The following CELF2 variants were observed in gnomAD, a reference collection of about 807,000 sequenced individuals.
CELF2 encodes the protein CUGBP Elav-like family member 2.
Under a neutral mutation model 62.6 loss-of-function variants are expected in CELF2, and 8 were observed. That is an observed-to-expected ratio of 0.13 (90% CI 0.07 to 0.23). CELF2 has a LOEUF of 0.23. Ranked by LOEUF, CELF2 falls within the 10% of genes least tolerant of loss-of-function variation. CELF2 has a pLI of 1.00. For missense variants in CELF2, 333 were observed against 671.0 expected, an observed-to-expected ratio of 0.50 and a Z score of 5.56; for synonymous variants, 258 against 250.0, an observed-to-expected ratio of 1.03 and a Z score of -0.30.
At chr10:10,924,909 G>A (rs1167477848) in intron 2 of CELF2, 1 of 152,090 alleles carries the variant, frequency 6.6e-6, no homozygotes, top group Non-Finnish European at 1.5e-5. Context: ...GTTATATGCC[G>A]TTTTGCGTGT....
the CELF2 span, among the ~76,000 whole-genome samples, chr10:10,620,016 TA>T: frequency 6.6e-6 from 1 of 151,646 alleles, no homozygotes; most frequent in Non-Finnish European, 1.5e-5. Flanking sequence ...TCACGAAAAA[TA>T]AGGTATATTG....
chr10:10,599,923 G>A, the CELF2 span, among the ~76,000 whole-genome samples: 3 of 151,752 alleles, frequency 2.0e-5, no homozygotes, highest in African/African-American at 7.3e-5. Context: ...AGTAGAGATG[G>A]GGTTTCACCC....
intron 1 of CELF2, among the ~76,000 whole-genome samples, chr10:11,113,673 G>A (rs193245993): frequency 5.2e-4 from 79 of 152,288 alleles, no homozygotes; most frequent in African/African-American, 1.8e-3. Flanking sequence ...GTGTTCTGGT[G>A]GGGCTAGGTT....
chr10:11,077,207 G>A (rs1157644271), intron 1 of CELF2, among the ~76,000 whole-genome samples: 2 of 152,210 alleles, frequency 1.3e-5, no homozygotes, highest in African/African-American at 4.8e-5. Flanking sequence ...GTACAGAGGG[G>A]TTGTAAGAAC....
the CELF2 span, among the ~76,000 whole-genome samples, chr10:10,491,676 G>T: frequency 6.6e-6 from 1 of 152,108 alleles, no homozygotes; most frequent in African/African-American, 2.4e-5. Flanking sequence ...AAAAGTTTGT[G>T]TTGCATTCAA....
intron 1 of CELF2, among the ~76,000 whole-genome samples, chr10:11,067,243 A>T (rs774399633): frequency 2.0e-5 from 3 of 152,228 alleles, no homozygotes; most frequent in Non-Finnish European, 4.4e-5. Context: ...AAATGTGTAC[A>T]TATTTGGCAG....
the CELF2 span, among the ~76,000 whole-genome samples, chr10:10,700,127 G>T: frequency 6.6e-6 from 1 of 152,200 alleles, no homozygotes; most frequent in South Asian, 2.1e-4. Context: ...GAGAAGTAAT[G>T]CAGAAACTCT....
chr10:11,332,661 C>CCTTCCCCGCTCAGCACCCTGTTAG lies in CELF2; in HGVS notation c.*3609_*3632dup, dbSNP rs2096050568. On this transcript the variant is annotated 3_prime_UTR_variant, in exon 13 of 13. Coordinates refer to ENST00000633077, the MANE Select transcript of CELF2 (RefSeq NM_001326342.2). ...CTGGAAGCTTCTTGGCCTCAGCTCC[C>CCTTCCCCGCTCAGCACCCTGTTAG]CTTCCCCGCTCAGCACCCTGTTAGG... 1 of 150,812 alleles carries CCTTCCCCGCTCAGCACCCTGTTAG rather than the reference C, an allele frequency of 6.6e-6. No individual in the cohort carries two copies. Among genetic ancestry groups the CCTTCCCCGCTCAGCACCCTGTTAG allele is most frequent in the Non-Finnish European group, 1.5e-5 (1 of 68,152 alleles). 9.3% of individuals were successfully genotyped at this position (150,812 alleles called of 1,614,324 possible).
At chr10:11,175,440 ATATATAGATAAGTTCTTTCAAT>A (rs1490502602) in intron 2 of CELF2, among the ~76,000 whole-genome samples, 1 of 152,246 alleles carries the variant, frequency 6.6e-6, no homozygotes, top group East Asian at 1.9e-4. Context: ...GAGTGAAGCT[ATATATAGATAAGTTCTTTCAAT>A]TAATGCTAAA....
chr10:11,319,948 A>G lies in CELF2; in HGVS notation c.1097-1241A>G, dbSNP rs541825539. ...TTCTCTGGTGTTTCCAGGCAGCCTT[A>G]CCTTAGCTGTCCTCCATTCTCATTA... On this transcript the variant is annotated intron_variant, in intron 10 of 12. Transcript: ENST00000633077. This position sits in a 1 kb window ranked among gnomAD's most constrained non-coding sequence, Gnocchi z 4.4. The G allele has an allele frequency of 2.2e-6, 1 of 461,838 alleles. No individual in the cohort carries two copies. Among genetic ancestry groups the G allele is most frequent in the South Asian group, 1.6e-5 (1 of 63,970 alleles). The allele number at this position is 461,838 out of a possible 1,614,324, so 28.6% of individuals were successfully genotyped here. A position where few individuals can be genotyped will look rare whatever the true frequency, so the allele number is the denominator to read the frequency against.
At chr10:11,125,219 G>GA in intron 1 of CELF2, among the ~76,000 whole-genome samples, 1 of 152,244 alleles carries the variant, frequency 6.6e-6, no homozygotes, top group South Asian at 2.1e-4. Flanking sequence ...AACAGCAGGG[G>GA]CCATACAAAC....
At chr10:11,050,990 C>T (rs1594083464) in intron 1 of CELF2, among the ~76,000 whole-genome samples, 2 of 152,310 alleles carry the variant, frequency 1.3e-5, no homozygotes, top group South Asian at 4.1e-4. Flanking sequence ...AAACTCCGAA[C>T]CCTGAGAAAA....
chr10:10,676,635 G>A, the CELF2 span, among the ~76,000 whole-genome samples: 1 of 152,182 alleles, frequency 6.6e-6, no homozygotes, highest in South Asian at 2.1e-4. Context: ...TGAGTTGCCA[G>A]TTACAGTTCC....
chr10:10,874,061 A>G (rs545620119), intron 1 of CELF2, among the ~76,000 whole-genome samples: 32 of 152,342 alleles, frequency 2.1e-4, no homozygotes, highest in South Asian at 2.1e-4. Flanking sequence ...CTATAATCCC[A>G]GCACTTTGGG....
chr10:10,683,857 T>G, the CELF2 span, among the ~76,000 whole-genome samples: 1 of 152,306 alleles, frequency 6.6e-6, no homozygotes, highest in East Asian at 1.9e-4. Flanking sequence ...CCCTAGAGTT[T>G]TGTCAACAGG....
At chr10:10,924,968 G>T (rs969016397) in intron 2 of CELF2, 9 of 152,070 alleles carry the variant, frequency 5.9e-5, no homozygotes, top group Admixed American at 5.2e-4. Flanking sequence ...AATTTGAACC[G>T]AACAGATTCC....
intron 5 of CELF2, among the ~76,000 whole-genome samples, chr10:11,264,777 A>T (rs996243577): frequency 1.6e-4 from 25 of 152,330 alleles, no homozygotes; most frequent in Middle Eastern, 6.8e-3. Context: ...ATTGATGACA[A>T]AAGCTACAGT....
In CELF2 at chr10:11,227,344, C is replaced by A. The variant is rs1444655505; in HGVS notation, c.354+9837C>A. On this transcript the variant is annotated intron_variant, in intron 3 of 12. Coordinates refer to ENST00000633077, the MANE Select transcript of CELF2 (RefSeq NM_001326342.2). This position sits in a 1 kb window ranked among gnomAD's most constrained non-coding sequence, Gnocchi z 4.8. ...CCAGACTCACCACCACAAACCAGGG[C>A]ACTGAGAGGTAGAACCAGGCAGCCC... Among the ~76,000 whole-genome samples, 2 of 152,212 alleles carry A rather than the reference C, an allele frequency of 1.3e-5. No homozygotes were observed. The highest frequency in any genetic ancestry group is 4.8e-5 in the African/African-American group (2 of 41,454).
the CELF2 span, among the ~76,000 whole-genome samples, chr10:10,630,872 C>T: frequency 6.6e-6 from 1 of 152,116 alleles, no homozygotes; most frequent in Non-Finnish European, 1.5e-5. Flanking sequence ...GAGATGGCTC[C>T]CAATCTCCCC....
Sources: gnomAD v4.1 joint callset for allele counts (sites outside exome capture counted in the v4.1 genomes callset) on GRCh38, gnomAD v4.1.1 for gene constraint, Gnocchi (gnomAD v3.1) non-coding constraint, MANE v1.5 for transcripts, NCBI Gene and HGNC (gene_info 2026-07-23, HGNC 2026-07-21) for gene names.